MARCHF1: variants seen among roughly 807,000 people sequenced by gnomAD.
MARCHF1 encodes E3 ubiquitin-protein ligase MARCHF1.
Under a neutral mutation model 54.2 loss-of-function variants are expected in MARCHF1, and 40 were observed. That is an observed-to-expected ratio of 0.74 (90% confidence interval 0.57 to 0.96). The LOEUF (loss-of-function observed/expected upper bound fraction) is 0.96. MARCHF1 is among the 40% of genes least tolerant of loss of function. The probability of loss-of-function intolerance (pLI) is 0.00; values close to 1 mark genes in which losing one functional copy is unlikely to be tolerated. For synonymous variants in MARCHF1, 236 were observed against 236.3 expected (o/e 1.00, Z 0.01); for missense variants, 586 against 656.5 (o/e 0.89, Z 1.17).
chr4:164,232,696 TC>T (rs1732445925), intron 1 of MARCHF1, among the ~76,000 whole-genome samples: 1 of 152,148 alleles, frequency 6.6e-6, no homozygotes, highest in African/African-American at 2.4e-5. Flanking sequence ...TGGTATCATA[TC>T]AAAAATGCTT....
chr4:163,707,739 T>G (rs1419468779), intron 4 of MARCHF1, among the ~76,000 whole-genome samples: 15 of 120,150 alleles, frequency 1.2e-4, no homozygotes, highest in Admixed American at 8.1e-4. Flanking sequence ...CACTAGTATA[T>G]AAAAATATGT....
At chr4:164,222,271 G>T (rs1732137318) in intron 1 of MARCHF1, among the ~76,000 whole-genome samples, 3 of 148,338 alleles carry the variant, frequency 2.0e-5, no homozygotes, top group Non-Finnish European at 1.5e-5. Context: ...ATCAACATGT[G>T]TCTTTTTTAT....
chr4:163,997,933 C>CACAA, intron 2 of MARCHF1, among the ~76,000 whole-genome samples: 1 of 142,092 alleles, frequency 7.0e-6, no homozygotes, highest in Non-Finnish European at 1.5e-5. Context: ...AATACACACA[C>CACAA]ACACACACAC....
chr4:163,924,833 A>C (rs1751504627), intron 3 of MARCHF1, among the ~76,000 whole-genome samples: 1 of 151,806 alleles, frequency 6.6e-6, no homozygotes, highest in African/African-American at 2.4e-5. Context: ...TATAATTAAT[A>C]ATTATAATAT....
At chr4:164,008,520 T>G (rs1466384759) in intron 2 of MARCHF1, among the ~76,000 whole-genome samples, 1 of 152,122 alleles carries the variant, frequency 6.6e-6, no homozygotes, top group African/African-American at 2.4e-5. Flanking sequence ...ATCCAACTGC[T>G]GCAGAATATT....
At chr4:163,938,120 G>A (rs74426765) in intron 3 of MARCHF1, among the ~76,000 whole-genome samples, 2,826 of 152,226 alleles carry the variant, frequency 0.019, 47 homozygotes, top group South Asian at 0.045. Context: ...GTGATAAAGT[G>A]CATGAATAAA....
intron 1 of MARCHF1, among the ~76,000 whole-genome samples, chr4:164,316,576 C>G (rs1392959314): frequency 1.3e-5 from 2 of 151,910 alleles, no homozygotes; most frequent in African/African-American, 4.9e-5. Context: ...CTATACTTAT[C>G]CACTGAAGCA....
rs1020925814 is a variant in MARCHF1, at chr4:163,612,582, G to T, written c.699C>A (p.His233Gln). 6.5e-7 allele frequency: 1 copy of T among 1,535,514 alleles called. No homozygotes were observed. The highest frequency in any genetic ancestry group is 1.2e-5 in the South Asian group (1 of 84,058). ...IECESCSLNL[H>Q]RGKHTRYQEC... ...CTTGGTACCTTGTATGTTTTCCTCTGTGGAGATTTAAAGAGCAACTCTCAC... is the reference window on the plus strand; with the variant it reads ...CTTGGTACCTTGTATGTTTTCCTCTTTGGAGATTTAAAGAGCAACTCTCAC... The change falls in exon 7 of 10, where the codon CAC (histidine) becomes CAA (glutamine). Residue 233 changes from histidine to glutamine, a missense_variant. His to Gln is a conservative substitution (Grantham distance 24, BLOSUM62 0). Around this residue, in one of 3 missense-constraint regions of MARCHF1, gnomAD observed 387 missense variants for 394.6 expected, o/e 0.98. Coordinates refer to ENST00000514618, the MANE Select transcript of MARCHF1 (RefSeq NM_001394959.1).
intron 4 of MARCHF1, among the ~76,000 whole-genome samples, chr4:163,836,578 A>G (rs1368423578): frequency 2.1e-5 from 3 of 142,082 alleles, no homozygotes; most frequent in Non-Finnish European, 3.0e-5. Flanking sequence ...ACTCTACCTT[A>G]TATTTCAGGG....
rs536744698 is a variant in MARCHF1, at chr4:163,890,278, T to C, written c.-38-36109A>G. Among the ~76,000 whole-genome samples, 64 of 152,294 alleles carry C rather than the reference T, an allele frequency of 4.2e-4. No individual in the cohort carries two copies. In the South Asian group the frequency reaches 0.013, roughly 31 times the overall value. On this transcript the variant is annotated intron_variant, in intron 3 of 9. Transcript: ENST00000514618. ...ATGTAGGAATGTATGTTCTAATTTCTGATGTTTTGTGCCAAAATTAATAAG... is the reference window on the plus strand; with the variant it reads ...ATGTAGGAATGTATGTTCTAATTTCCGATGTTTTGTGCCAAAATTAATAAG...
chr4:163,660,790 T>C (rs1207481198), intron 5 of MARCHF1, among the ~76,000 whole-genome samples: 1 of 152,016 alleles, frequency 6.6e-6, no homozygotes, highest in Non-Finnish European at 1.5e-5. Context: ...GAATAAACAC[T>C]CTGTATGACA....
chr4:163,825,247 A>C (rs904257539), intron 4 of MARCHF1, among the ~76,000 whole-genome samples: 1 of 151,968 alleles, frequency 6.6e-6, no homozygotes, highest in Non-Finnish European at 1.5e-5. Flanking sequence ...TCCAGCTCCA[A>C]CCATGTTGCT....
At chr4:163,905,976 T>C (rs966044365) in intron 3 of MARCHF1, among the ~76,000 whole-genome samples, 3 of 152,104 alleles carry the variant, frequency 2.0e-5, no homozygotes, top group African/African-American at 7.2e-5. Flanking sequence ...TTAACATATG[T>C]AATTTAATAA....
At chr4:163,750,731 G>A (rs1326294307) in intron 4 of MARCHF1, among the ~76,000 whole-genome samples, 2 of 151,778 alleles carry the variant, frequency 1.3e-5, no homozygotes, top group East Asian at 1.9e-4. Context: ...AATATTTAGG[G>A]GAGAAAAATG....
At chr4:163,535,404 G>A (rs188536080) in intron 9 of MARCHF1, among the ~76,000 whole-genome samples, 20 of 152,112 alleles carry the variant, frequency 1.3e-4, no homozygotes, top group African/African-American at 4.6e-4. Flanking sequence ...GCTATTTCAT[G>A]CCAAAGGTGA....
chr4:163,980,161 A>G (rs1181226218), intron 3 of MARCHF1, among the ~76,000 whole-genome samples: 3 of 142,220 alleles, frequency 2.1e-5, no homozygotes, highest in African/African-American at 7.9e-5. Flanking sequence ...ACTGGTACCA[A>G]AACAGAGATA....
intron 4 of MARCHF1, among the ~76,000 whole-genome samples, chr4:163,751,718 C>A (rs984627994): frequency 6.6e-6 from 1 of 152,024 alleles, no homozygotes; most frequent in African/African-American, 2.4e-5. Flanking sequence ...ACATTCCTGA[C>A]TGAAAGACAC....
At position 164,108,849 on chromosome 4, in the gene MARCHF1, C is replaced by T. The variant is rs115768482; in HGVS notation, c.-248+2739G>A. On this transcript the variant is annotated intron_variant, in intron 2 of 9. Transcript: ENST00000514618. ...GTATTACCTTATGAAGCATAATCCT[C>T]TCTTAAGAGAATGGCAATAGTGGGC... Among the ~76,000 whole-genome samples the T allele has an allele frequency of 3.9e-3, 599 of 152,090 alleles. 4 individuals are homozygous for T. The highest frequency in any genetic ancestry group is 0.011 in the Admixed American group (162 of 15,242).
chr4:164,375,387 G>A (rs959011804), intron 1 of MARCHF1, among the ~76,000 whole-genome samples: 1 of 152,034 alleles, frequency 6.6e-6, no homozygotes, highest in Non-Finnish European at 1.5e-5. Context: ...GAACTTAAAA[G>A]CCTTGTAGGT....
Sources: allele counts gnomAD v4.1 joint callset (sites outside exome capture counted in the v4.1 genomes callset), GRCh38; gene constraint gnomAD v4.1.1; regional missense constraint gnomAD v4.1.1; transcripts MANE v1.5; gene names NCBI Gene and HGNC (gene_info 2026-07-23, HGNC 2026-07-21).